BMP8A: variants seen among roughly 807,000 people sequenced by gnomAD.
The protein encoded by BMP8A is BMP-8A.
A neutral mutation model predicts 36.8 loss-of-function variants in BMP8A; 14 were observed. The observed-to-expected ratio is 0.38, with a 90% CI of 0.25 to 0.60. The LOEUF (loss-of-function observed/expected upper bound fraction) is 0.60. BMP8A is among the 20% of genes least tolerant of loss of function. BMP8A has a pLI of 0.63. For synonymous variants in BMP8A, 120 were observed against 237.7 expected (o/e 0.50, Z 4.55); for missense variants, 267 against 551.1 (o/e 0.48, Z 5.16).
chr1:39,498,863 T>C (rs567322682), intron 1 of BMP8A, among the ~76,000 whole-genome samples: 30 of 152,118 alleles, frequency 2.0e-4, no homozygotes, highest in African/African-American at 6.7e-4. Context: ...GCAACGGGAA[T>C]GTCGGTGGCT....
Position 39,527,050 on chromosome 1 carries a change from C to T in BMP8A, c.*1252C>T, listed in dbSNP as rs1314105228. ...ATTCCATCCAAAGCAGGGTGACTGG[C>T]AGTCTCCGGCCAGGCATGGGGCAAG... On this transcript the variant is annotated 3_prime_UTR_variant, in exon 7 of 7. Coordinates refer to ENST00000331593, the MANE Select transcript of BMP8A (RefSeq NM_181809.4). 6.6e-6 allele frequency among the ~76,000 whole-genome samples: 1 copy of T among 152,168 alleles called. No individual in the cohort carries two copies. Among genetic ancestry groups the T allele is most frequent in the Non-Finnish European group, 1.5e-5 (1 of 68,032 alleles).
intron 1 of BMP8A, among the ~76,000 whole-genome samples, chr1:39,493,364 G>A (rs1429720448): frequency 6.6e-6 from 1 of 152,242 alleles, no homozygotes; most frequent in Admixed American, 6.5e-5. Context: ...CAGAGAGGCA[G>A]CGCCATGCCT....
intron 3 of BMP8A, among the ~76,000 whole-genome samples, chr1:39,517,046 T>C (rs1365298494): frequency 6.6e-6 from 1 of 152,096 alleles, no homozygotes; most frequent in Non-Finnish European, 1.5e-5. Context: ...TGGAATGCAA[T>C]GGAATGCAGT....
At chr1:39,509,917 C>T (rs912800151) in intron 1 of BMP8A, among the ~76,000 whole-genome samples, 2 of 152,242 alleles carry the variant, frequency 1.3e-5, no homozygotes, top group East Asian at 1.9e-4. Context: ...CTAAATATAG[C>T]GTCCTGGGTA....
In BMP8A at chr1:39,514,691, A is replaced by T. The variant is rs183668167; in HGVS notation, c.673+2787A>T. Among the ~76,000 whole-genome samples, 1,211 of 149,142 alleles carry T rather than the reference A, an allele frequency of 8.1e-3. 3 individuals are homozygous for T. Among genetic ancestry groups the T allele is most frequent in the African/African-American group, 0.028 (1,101 of 38,698 alleles). Reference sequence around the variant, plus strand: ...CAGGAGGGGACCTAGCCTGTGCCCTACTCGCGGAGCCTGACCTCAGCTCTG... The same window carrying T: ...CAGGAGGGGACCTAGCCTGTGCCCTTCTCGCGGAGCCTGACCTCAGCTCTG... On this transcript the variant is annotated intron_variant, in intron 3 of 6. Coordinates refer to ENST00000331593, the MANE Select transcript of BMP8A (RefSeq NM_181809.4).
chr1:39,502,223 G>T (rs710922), intron 1 of BMP8A, among the ~76,000 whole-genome samples: 11,674 of 130,040 alleles, frequency 0.09, 1,208 homozygotes, highest in African/African-American at 0.26. Flanking sequence ...GGCCGACAGA[G>T]TGAGACTGTC....
chr1:39,522,194 C>G lies in BMP8A; in HGVS notation c.869-209C>G, dbSNP rs1163648333. The G allele has an allele frequency of 7.3e-6, 4 of 544,492 alleles. No individual in the cohort carries two copies. In the East Asian group the frequency reaches 1.3e-4, roughly 18 times the overall value. The allele number at this position is 544,492 out of a possible 1,614,324, so 33.7% of individuals were successfully genotyped here. A position where few individuals can be genotyped will look rare whatever the true frequency, so the allele number is the denominator to read the frequency against. On this transcript the variant is annotated intron_variant, in intron 4 of 6. Transcript: ENST00000331593. The stretch of plus-strand genomic sequence containing the variant: ...GACAGGGGAGGACTGGGCACAGTGT[C>G]ACTCTAGCCATTGGGAGCCATGGCA...
At chr1:39,509,712 G>A (rs1373362988) in intron 1 of BMP8A, among the ~76,000 whole-genome samples, 1 of 152,200 alleles carries the variant, frequency 6.6e-6, no homozygotes, top group Admixed American at 6.5e-5. Context: ...GGCCCGCACA[G>A]CCTGGTGCTT....
At chr1:39,522,558 T>G in intron 5 of BMP8A, 76 bp downstream of exon 5, 1 of 1,479,830 alleles carries the variant, frequency 6.8e-7, no homozygotes, top group African/African-American at 1.4e-5. Context: ...AGGGAGGACA[T>G]AGAATCATGG....
intron 6 of BMP8A, chr1:39,525,249 T>G (rs1383386791): frequency 3.9e-5 from 7 of 177,918 alleles, no homozygotes; most frequent in East Asian, 3.3e-4. Flanking sequence ...TCTGGGGGGG[T>G]CTGAAGGGCT....
intron 1 of BMP8A, among the ~76,000 whole-genome samples, chr1:39,500,651 GTTTAT>G (rs1463917775): frequency 6.6e-6 from 1 of 151,818 alleles, no homozygotes; most frequent in Non-Finnish European, 1.5e-5. Context: ...AAAAAAAGAG[GTTTAT>G]TTTATTTTAT....
At chr1:39,494,433 C>G (rs1304510016) in intron 1 of BMP8A, among the ~76,000 whole-genome samples, 1 of 151,156 alleles carries the variant, frequency 6.6e-6, no homozygotes, top group Non-Finnish European at 1.5e-5. Context: ...TCACTGCAAC[C>G]TCTAATTCCC....
chr1:39,502,240 A>G (rs1048370902), intron 1 of BMP8A, among the ~76,000 whole-genome samples: 2 of 149,482 alleles, frequency 1.3e-5, no homozygotes, highest in African/African-American at 2.5e-5. Flanking sequence ...TGTCTCAAAA[A>G]AAAAAAAAAA....
rs150160309 is a variant in BMP8A, at chr1:39,508,992, C to T, written c.335-2182C>T. 2.7e-3 allele frequency among the ~76,000 whole-genome samples: 409 copies of T among 152,274 alleles called. 2 individuals are homozygous for T. The highest frequency in any genetic ancestry group is 9.0e-3 in the African/African-American group (373 of 41,552). ...AAACTCTTGAGTCAGCCTGGGTAGA[C>T]CCACAGGTCAGGCGGGGAGGGAGGC... On this transcript the variant is annotated intron_variant, in intron 1 of 6. Coordinates refer to ENST00000331593, the MANE Select transcript of BMP8A (RefSeq NM_181809.4).
At chr1:39,497,831 C>G (rs1216890873) in intron 1 of BMP8A, among the ~76,000 whole-genome samples, 1 of 152,190 alleles carries the variant, frequency 6.6e-6, no homozygotes, top group African/African-American at 2.4e-5. Context: ...TGGGCCTGGT[C>G]AGGTGGGACA....
At chr1:39,500,545 G>T (rs376302895) in intron 1 of BMP8A, among the ~76,000 whole-genome samples, 28 of 150,946 alleles carry the variant, frequency 1.9e-4, no homozygotes, top group East Asian at 1.7e-3. Flanking sequence ...TAGTGATGAT[G>T]ATGATGGGCT....
Position 39,499,046 on chromosome 1 carries a change from C to T in BMP8A, c.334+6721C>T, listed in dbSNP as rs541043341. On this transcript the variant is annotated intron_variant, in intron 1 of 6. Coordinates refer to ENST00000331593, the MANE Select transcript of BMP8A (RefSeq NM_181809.4). Reference sequence around the variant, plus strand: ...GCCCCGGAACACAGCGGCCGATGAGCTGACATGCGAGCCTCCCATGTCCAC... The same window carrying T: ...GCCCCGGAACACAGCGGCCGATGAGTTGACATGCGAGCCTCCCATGTCCAC... Among the ~76,000 whole-genome samples the T allele has an allele frequency of 3.5e-3, 536 of 152,238 alleles. 2 individuals are homozygous for T. Among genetic ancestry groups the T allele is most frequent in the Non-Finnish European group, 3.6e-3 (248 of 67,972 alleles).
At chr1:39,492,464 C>T (rs1645169437) in intron 1 of BMP8A, 139 bp downstream of exon 1, 2 of 1,334,140 alleles carry the variant, frequency 1.5e-6, no homozygotes, top group Non-Finnish European at 1.9e-6. Flanking sequence ...GTGGGACCGC[C>T]GTGGTTAGGG....
chr1:39,519,525 A>G (rs1404645539), intron 3 of BMP8A, among the ~76,000 whole-genome samples: 1 of 145,658 alleles, frequency 6.9e-6, no homozygotes. Context: ...GCTCTTGTCC[A>G]TGCTCGTGAG....
Sources: gnomAD v4.1 joint callset for allele counts (sites outside exome capture counted in the v4.1 genomes callset) on GRCh38, gnomAD v4.1.1 for gene constraint, MANE v1.5 for transcripts, NCBI Gene and HGNC (gene_info 2026-07-23, HGNC 2026-07-21) for gene names.